The following ZFPM2 variants were observed in gnomAD, a reference collection of about 807,000 sequenced individuals.
The protein encoded by ZFPM2 is zinc finger protein ZFPM2.
Under a neutral mutation model 98.6 loss-of-function variants are expected in ZFPM2, and 20 were observed. The ratio of observed to expected loss-of-function variants is 0.20; its 90% CI spans 0.14 to 0.29. ZFPM2 has a LOEUF of 0.29. Ranked by LOEUF, ZFPM2 falls within the 10% of genes least tolerant of loss-of-function variation. ZFPM2 has a pLI of 1.00. For synonymous variants in ZFPM2, 518 were observed against 502.7 expected (o/e 1.03, Z -0.41); for missense variants, 1,310 against 1,388.6 (o/e 0.94, Z 0.90).
intron 5 of ZFPM2, among the ~76,000 whole-genome samples, chr8:105,733,686 G>C (rs928156044): frequency 1.3e-5 from 2 of 151,780 alleles, no homozygotes; most frequent in African/African-American, 4.8e-5. Context: ...TTTTTAAAGT[G>C]CTAAGAGTTA....
chr8:105,740,907 G>T (rs1812200394), intron 5 of ZFPM2, among the ~76,000 whole-genome samples: 1 of 152,064 alleles, frequency 6.6e-6, no homozygotes, highest in South Asian at 2.1e-4. Flanking sequence ...GTTGGTGAGG[G>T]AAGACCTTAC....
chr8:105,728,913 A>G lies in ZFPM2; in HGVS notation c.533-59805A>G, dbSNP rs539290455. On this transcript the variant is annotated intron_variant, in intron 5 of 7. Transcript: ENST00000407775. Reference sequence around the variant, plus strand: ...GGGACACTGTGCTAGATGCTTTCAGATACATCATCTCATTTAATTTGCAGA... The same window carrying G: ...GGGACACTGTGCTAGATGCTTTCAGGTACATCATCTCATTTAATTTGCAGA... Among the ~76,000 whole-genome samples the G allele has an allele frequency of 2.0e-5, 3 of 151,812 alleles. No individual in the cohort carries two copies. In the East Asian group the frequency reaches 5.9e-4, roughly 30 times the overall value.
chr8:105,763,960 A>G (rs1812797035), intron 5 of ZFPM2, among the ~76,000 whole-genome samples: 1 of 151,890 alleles, frequency 6.6e-6, no homozygotes, highest in Non-Finnish European at 1.5e-5. Context: ...TTATTAATGC[A>G]GAAAATCTGC....
intron 3 of ZFPM2, among the ~76,000 whole-genome samples, chr8:105,482,722 C>T (rs1813144273): frequency 6.6e-6 from 1 of 152,230 alleles, no homozygotes; most frequent in Non-Finnish European, 1.5e-5. Flanking sequence ...AGGACACCCT[C>T]CTATTTTACA....
chr8:105,418,878 T>A, intron 1 of ZFPM2: 1 of 566,750 alleles, frequency 1.8e-6, no homozygotes, highest in Non-Finnish European at 3.2e-6. Context: ...AGTTTGGGGC[T>A]TGAGGTTGGG....
intron 2 of ZFPM2, among the ~76,000 whole-genome samples, chr8:105,424,097 A>G (rs1240351497): frequency 6.6e-6 from 1 of 152,176 alleles, no homozygotes; most frequent in African/African-American, 2.4e-5. Flanking sequence ...ATCACCACTG[A>G]AGAATTTATT....
intron 3 of ZFPM2, among the ~76,000 whole-genome samples, chr8:105,544,907 A>G (rs1814660050): frequency 1.3e-5 from 2 of 152,180 alleles, no homozygotes; most frequent in Admixed American, 6.6e-5. Flanking sequence ...GTAATAAGCA[A>G]TGGTAAATAC....
At chr8:105,532,155 G>A (rs1814309771) in intron 3 of ZFPM2, among the ~76,000 whole-genome samples, 1 of 152,028 alleles carries the variant, frequency 6.6e-6, no homozygotes, top group African/African-American at 2.4e-5. Flanking sequence ...ACCTGTCTCG[G>A]GCTCCCAAAT....
At chr8:105,322,358 T>C (rs574661851) in intron 1 of ZFPM2, among the ~76,000 whole-genome samples, 1 of 152,276 alleles carries the variant, frequency 6.6e-6, no homozygotes, top group Non-Finnish European at 1.5e-5. Flanking sequence ...CTTCAAGCTG[T>C]TGTCTCTAGT....
At chr8:105,395,888 C>G (rs879601932) in intron 1 of ZFPM2, among the ~76,000 whole-genome samples, 1 of 152,186 alleles carries the variant, frequency 6.6e-6, no homozygotes, top group Non-Finnish European at 1.5e-5. Flanking sequence ...TCTACTCTAT[C>G]CTAGTTGTAG....
chr8:105,373,012 G>A (rs1810654698), intron 1 of ZFPM2, among the ~76,000 whole-genome samples: 1 of 152,060 alleles, frequency 6.6e-6, no homozygotes, highest in Admixed American at 6.6e-5. Flanking sequence ...ATGCATAAGG[G>A]CACCAAGTGC....
intron 5 of ZFPM2, among the ~76,000 whole-genome samples, chr8:105,637,479 A>C (rs1346933746): frequency 6.6e-6 from 1 of 152,146 alleles, no homozygotes; most frequent in Admixed American, 6.6e-5. Flanking sequence ...GTAAAAAACA[A>C]AAGCAAAAAA....
At chr8:105,671,609 A>T (rs1289394465) in intron 5 of ZFPM2, among the ~76,000 whole-genome samples, 2 of 152,044 alleles carry the variant, frequency 1.3e-5, no homozygotes, top group African/African-American at 4.8e-5. Context: ...GCTTCCTGTA[A>T]ATCTTGGAAA....
intron 5 of ZFPM2, among the ~76,000 whole-genome samples, chr8:105,738,885 A>G (rs1812151301): frequency 1.3e-5 from 2 of 152,084 alleles, no homozygotes; most frequent in African/African-American, 4.8e-5. Flanking sequence ...GATGCTAAAA[A>G]AGGTCATGTA....
In ZFPM2 at chr8:105,794,911, C is replaced by T. The variant is rs191899776; in HGVS notation, c.740-3813C>T. ...CGGTGCAGGATATAATCTCCTGGTG[C>T]GCCATTTTTTAAGCCTGTCGGAAAA... On this transcript the variant is annotated intron_variant, in intron 6 of 7. Transcript: ENST00000407775. Among the ~76,000 whole-genome samples, 286 of 152,262 alleles carry T rather than the reference C, an allele frequency of 1.9e-3. 1 individual carries two copies. The highest frequency in any genetic ancestry group is 5.0e-3 in the African/African-American group (207 of 41,572).
At chr8:105,712,696 A>G (rs1586214078) in intron 5 of ZFPM2, among the ~76,000 whole-genome samples, 1 of 152,000 alleles carries the variant, frequency 6.6e-6, no homozygotes, top group African/African-American at 2.4e-5. Context: ...AGGAAGTTTT[A>G]TAGACCTTTC....
chr8:105,716,361 A>C (rs980396489), intron 5 of ZFPM2, among the ~76,000 whole-genome samples: 1 of 151,754 alleles, frequency 6.6e-6, no homozygotes, highest in South Asian at 2.1e-4. Context: ...ATGAATGTCT[A>C]CTAAACTTGT....
At chr8:105,692,766 A>G (rs1454750910) in intron 5 of ZFPM2, among the ~76,000 whole-genome samples, 3 of 152,240 alleles carry the variant, frequency 2.0e-5, no homozygotes, top group Non-Finnish European at 2.9e-5. Context: ...GAAATGGAAA[A>G]TTGTTCAGGA....
At chr8:105,362,401 G>T (rs1458030658) in intron 1 of ZFPM2, among the ~76,000 whole-genome samples, 5 of 151,964 alleles carry the variant, frequency 3.3e-5, no homozygotes, top group Admixed American at 6.6e-5. Context: ...TATTGGATTT[G>T]TGTTATGTCT....
Sources: gnomAD v4.1 joint callset for allele counts (sites outside exome capture counted in the v4.1 genomes callset) on GRCh38, gnomAD v4.1.1 for gene constraint, MANE v1.5 for transcripts, NCBI Gene and HGNC (gene_info 2026-07-23, HGNC 2026-07-21) for gene names.